PSG8: variants seen among roughly 807,000 people sequenced by gnomAD.
PSG8 encodes the protein pregnancy specific beta-1-glycoprotein 8.
PSG8 carries 57 observed loss-of-function variants against 42.5 expected under a neutral mutation model. The observed-to-expected ratio is 1.34, with a 90% CI of 1.08 to 1.67. The LOEUF (loss-of-function observed/expected upper bound fraction) is 1.67. Among genes scored for constraint, PSG8 ranks in the 40% most tolerant of loss-of-function variants. PSG8 has a pLI of 0.00. For synonymous variants in PSG8, 280 were observed against 196.8 expected (o/e 1.42, Z -3.54); for missense variants, 783 against 518.6 (o/e 1.51, Z -4.95).
rs1018817056 is a variant in PSG8, at chr19:42,756,514, A to G, written c.710-1248T>C. ...TTTGTCATATACTTACTGGTTTAGC[A>G]TCCCAAATCTGAAAGATTCAAAATC... On this transcript the variant is annotated intron_variant, in intron 3 of 4. Coordinates refer to ENST00000306511, the MANE Select transcript of PSG8 (RefSeq NM_182707.3). Among the ~76,000 whole-genome samples the G allele has an allele frequency of 5.3e-5, 8 of 152,168 alleles. 1 individual carries two copies. The highest frequency in any genetic ancestry group is 1.2e-4 in the Non-Finnish European group (8 of 68,038).
intron 2 of PSG8, chr19:42,763,593 C>G (rs1970131528): frequency 2.3e-6 from 1 of 433,338 alleles, no homozygotes; most frequent in African/African-American, 2.0e-5. Context: ...AAGCCCTACT[C>G]AGTTCTCCAG....
At position 42,754,483 on chromosome 19, in the gene PSG8, A is replaced by T. The variant is rs368908706; in HGVS notation, c.1093T>A (p.Ser365Thr). ...SADSNPPAQYSWTINGKFQLS... is the reference protein window; with the variant it reads ...SADSNPPAQYTWTINGKFQLS... ...TGAAACTTCCCATTAATTGTCCAAGAATACTGTGCCGGTGGGTTAGAGTCC... is the reference window on the plus strand; with the variant it reads ...TGAAACTTCCCATTAATTGTCCAAGTATACTGTGCCGGTGGGTTAGAGTCC... The change falls in exon 5 of 5, where the codon TCT becomes ACT. Residue 365 changes from serine (S) to threonine (T), a missense_variant. Coordinates refer to ENST00000306511, the MANE Select transcript of PSG8 (RefSeq NM_182707.3). 1.9e-6 allele frequency: 3 copies of T among 1,613,938 alleles called. No homozygotes were observed. The highest frequency in any genetic ancestry group is 2.5e-6 in the Non-Finnish European group (3 of 1,179,880).
chr19:42,756,958 C>T (rs1969942297), intron 3 of PSG8, among the ~76,000 whole-genome samples: 1 of 151,834 alleles, frequency 6.6e-6, no homozygotes, highest in African/African-American at 2.4e-5. Context: ...TTGATTCCTC[C>T]AATCCATGAA....
intron 3 of PSG8, chr19:42,755,546 G>T (rs1477682965): frequency 2.9e-6 from 2 of 683,642 alleles, no homozygotes; most frequent in African/African-American, 1.8e-5. Context: ...ACAGCCCCTG[G>T]TATCCCTCCC....
chr19:42,754,903 A>T, intron 4 of PSG8, 85 bp downstream of exon 4: 1 of 1,570,242 alleles, frequency 6.4e-7, no homozygotes, highest in Non-Finnish European at 8.6e-7. Flanking sequence ...CTATACTTGG[A>T]CCAGAGAGAG....
chr19:42,753,014 C>G (rs1372788606), downstream of PSG8: 9 of 525,426 alleles, frequency 1.7e-5, no homozygotes, highest in Admixed American at 1.3e-4. Flanking sequence ...ATGTGAAATT[C>G]TAATGACTGC....
At chr19:42,762,761 A>G (rs962537194) in intron 2 of PSG8, among the ~76,000 whole-genome samples, 6 of 152,076 alleles carry the variant, frequency 3.9e-5, no homozygotes, top group Non-Finnish European at 8.8e-5. Flanking sequence ...GAGGCAGGTG[A>G]TTTAGTTCTG....
At chr19:42,761,514 C>G (rs1201937531) in intron 2 of PSG8, among the ~76,000 whole-genome samples, 4 of 152,252 alleles carry the variant, frequency 2.6e-5, no homozygotes, top group Admixed American at 2.6e-4. Flanking sequence ...GTTTCTCATT[C>G]TTTTGCATTC....
intron 3 of PSG8, 124 bp downstream of exon 3, chr19:42,757,878 C>T (rs1969966620): frequency 1.6e-5 from 26 of 1,605,048 alleles, no homozygotes; most frequent in Non-Finnish European, 2.0e-5. Flanking sequence ...AAAGTCATGG[C>T]CAGGTTTGAT....
At chr19:42,754,212 T>C (rs890431957), downstream of PSG8, 29 of 1,569,968 alleles carry the variant, frequency 1.8e-5, no homozygotes, top group Non-Finnish European at 2.4e-5. Flanking sequence ...GAGGAGAATT[T>C]GGGATTTGCT....
At chr19:42,756,458 T>C (rs1415212609) in intron 3 of PSG8, among the ~76,000 whole-genome samples, 2 of 152,154 alleles carry the variant, frequency 1.3e-5, no homozygotes, top group Non-Finnish European at 2.9e-5. Flanking sequence ...AAAAGTGTTT[T>C]GGATTTCTGA....
intron 3 of PSG8, among the ~76,000 whole-genome samples, chr19:42,757,084 TC>T (rs1969945486): frequency 6.6e-6 from 1 of 152,158 alleles, no homozygotes; most frequent in Admixed American, 6.5e-5. Context: ...AATATTTTAT[TC>T]CTTTTGATGT....
At chr19:42,756,217 T>C (rs550414446) in intron 3 of PSG8, 1 of 152,324 alleles carries the variant, frequency 6.6e-6, no homozygotes, top group East Asian at 1.9e-4. Flanking sequence ...GACATTCTAC[T>C]CTCTGATTCC....
chr19:42,759,836 A>T (rs1474046393), intron 2 of PSG8, among the ~76,000 whole-genome samples: 4 of 152,178 alleles, frequency 2.6e-5, no homozygotes, highest in Non-Finnish European at 5.9e-5. Flanking sequence ...TGAGACCAAC[A>T]TAAGGTTTAG....
chr19:42,759,318 T>C (rs1440564676), intron 2 of PSG8, among the ~76,000 whole-genome samples: 1 of 152,162 alleles, frequency 6.6e-6, no homozygotes, highest in Non-Finnish European at 1.5e-5. Context: ...TTCTACGAGC[T>C]GGGATCAGGG....
chr19:42,755,884 G>T (rs1262297878), intron 3 of PSG8: 1 of 156,806 alleles, frequency 6.4e-6, no homozygotes, highest in Admixed American at 6.0e-5. Flanking sequence ...GTTTCATGAT[G>T]ACTTACTTGA....
At chr19:42,762,939 AC>A (rs1970114627) in intron 2 of PSG8, among the ~76,000 whole-genome samples, 1 of 152,012 alleles carries the variant, frequency 6.6e-6, no homozygotes, top group Non-Finnish European at 1.5e-5. Flanking sequence ...ACCTCATGTG[AC>A]CCTGATCTCC....
intron 1 of PSG8, among the ~76,000 whole-genome samples, chr19:42,764,585 C>T (rs1376743973): frequency 6.6e-6 from 1 of 152,060 alleles, no homozygotes; most frequent in East Asian, 1.9e-4. Flanking sequence ...GCCCCCTCCA[C>T]ACTGCCCTCA....
intron 2 of PSG8, among the ~76,000 whole-genome samples, chr19:42,759,163 T>C (rs1419101007): frequency 6.6e-6 from 1 of 152,044 alleles, no homozygotes; most frequent in African/African-American, 2.4e-5. Flanking sequence ...CCATATGTGT[T>C]TGGTGGATAT....
Sources: allele counts gnomAD v4.1 joint callset (sites outside exome capture counted in the v4.1 genomes callset), GRCh38; gene constraint gnomAD v4.1.1; transcripts MANE v1.5; gene names NCBI Gene and HGNC (gene_info 2026-07-23, HGNC 2026-07-21).